TMED3: variants seen among roughly 807,000 people sequenced by gnomAD.
TMED3 encodes the protein transmembrane p24 trafficking protein 3, also known as transmembrane emp24 domain-containing protein 3.
A neutral mutation model predicts 15.0 loss-of-function variants in TMED3; 9 were observed. The observed-to-expected ratio is 0.60, with a 90% CI of 0.36 to 1.04. The LOEUF (loss-of-function observed/expected upper bound fraction) is 1.04, where lower values mean the gene tolerates loss of function less well. Ranked by LOEUF, TMED3 falls within the 50% of genes least tolerant of loss-of-function variation. The probability of loss-of-function intolerance (pLI) is 0.01; values close to 1 mark genes in which losing one functional copy is unlikely to be tolerated. For missense variants in TMED3, 267 were observed against 278.9 expected (o/e 0.96, Z 0.30); for synonymous variants, 117 against 121.4 (o/e 0.96, Z 0.24).
chr15:79,355,419 C>G (rs964278816), intron 2 of TMED3, among the ~76,000 whole-genome samples: 14 of 152,028 alleles, frequency 9.2e-5, no homozygotes, highest in Non-Finnish European at 2.1e-4. Flanking sequence ...AGGGAAGGAA[C>G]TGTATGTGAA....
At chr15:79,321,566 T>C (rs2058766931) in intron 2 of TMED3, among the ~76,000 whole-genome samples, 1 of 152,248 alleles carries the variant, frequency 6.6e-6, no homozygotes, top group Non-Finnish European at 1.5e-5. Flanking sequence ...CTTTGCTGTT[T>C]ATTAGTTGTA....
intron 2 of TMED3, among the ~76,000 whole-genome samples, chr15:79,405,757 G>A (rs28853609): frequency 6.6e-6 from 1 of 152,158 alleles, no homozygotes; most frequent in Middle Eastern, 3.2e-3. Context: ...CATTCATATA[G>A]TGGGCCATCA....
intron 2 of TMED3, among the ~76,000 whole-genome samples, chr15:79,345,834 A>G (rs1461634957): frequency 6.6e-6 from 1 of 152,072 alleles, no homozygotes; most frequent in East Asian, 1.9e-4. Context: ...CCTTTTACTA[A>G]TAGCCATTCT....
At chr15:79,321,758 A>G (rs1031703726) in intron 2 of TMED3, among the ~76,000 whole-genome samples, 1 of 152,232 alleles carries the variant, frequency 6.6e-6, no homozygotes, top group African/African-American at 2.4e-5. Context: ...TAACTCAGCC[A>G]CATACTAACT....
intron 2 of TMED3, among the ~76,000 whole-genome samples, chr15:79,409,311 A>T (rs1057422946): frequency 6.6e-6 from 1 of 152,168 alleles, no homozygotes; most frequent in Admixed American, 6.5e-5. Context: ...CTTCCAACCA[A>T]AGGATGTCCT....
intron 2 of TMED3, chr15:79,314,550 G>T (rs1394512304): frequency 2.2e-6 from 1 of 455,584 alleles, no homozygotes; most frequent in Non-Finnish European, 4.4e-6. Flanking sequence ...GGGCTTCAGG[G>T]TCTTCTGCCT....
At chr15:79,328,953 C>T (rs1243880935) in intron 2 of TMED3, among the ~76,000 whole-genome samples, 1 of 152,222 alleles carries the variant, frequency 6.6e-6, no homozygotes, top group Non-Finnish European at 1.5e-5. Flanking sequence ...GCCCAGGTTG[C>T]TGTTGGCCCT....
chr15:79,398,966 A>G (rs543837797), intron 2 of TMED3, among the ~76,000 whole-genome samples: 4 of 152,330 alleles, frequency 2.6e-5, no homozygotes, highest in African/African-American at 9.6e-5. Context: ...GCCGGAGTGC[A>G]GTAGCATGAT....
intron 2 of TMED3, among the ~76,000 whole-genome samples, chr15:79,407,097 C>A (rs1295318012): frequency 5.3e-5 from 8 of 152,186 alleles, no homozygotes; most frequent in Admixed American, 5.2e-4. Flanking sequence ...TCAGTGAGTC[C>A]TTCTTACATT....
intron 2 of TMED3, among the ~76,000 whole-genome samples, chr15:79,395,480 C>T (rs11072840): frequency 0.3 from 46,390 of 152,110 alleles, 8,596 homozygotes; most frequent in Middle Eastern, 0.51. Flanking sequence ...CGCGCCTGGC[C>T]AATGTTTCTG....
chr15:79,329,042 G>A (rs1422721608), intron 2 of TMED3, among the ~76,000 whole-genome samples: 1 of 152,164 alleles, frequency 6.6e-6, no homozygotes, highest in Non-Finnish European at 1.5e-5. Flanking sequence ...TTAATACCTA[G>A]GGGTGGTGGA....
chr15:79,326,567 A>G (rs1452669916), downstream of TMED3, among the ~76,000 whole-genome samples: 1 of 152,174 alleles, frequency 6.6e-6, no homozygotes, highest in Non-Finnish European at 1.5e-5. Flanking sequence ...CTTTGTAAAT[A>G]TTTCCTCCTT....
At chr15:79,398,014 G>C (rs781212931) in intron 2 of TMED3, among the ~76,000 whole-genome samples, 1 of 152,062 alleles carries the variant, frequency 6.6e-6, no homozygotes, top group Admixed American at 6.5e-5. Context: ...CATAGTTTAC[G>C]TTAGAGTTCA....
At chr15:79,375,244 C>A (rs1893404566) in intron 2 of TMED3, among the ~76,000 whole-genome samples, 1 of 152,128 alleles carries the variant, frequency 6.6e-6, no homozygotes, top group Admixed American at 6.5e-5. Context: ...CTGTCCCATG[C>A]TCCTCAGGCC....
chr15:79,324,879 A>G (rs12592336), downstream of TMED3, among the ~76,000 whole-genome samples: 17,594 of 152,190 alleles, frequency 0.12, 1,632 homozygotes, highest in East Asian at 0.54. Flanking sequence ...TACTTGTGCC[A>G]TCTTGGGTAA....
chr15:79,400,164 C>G (rs1051916029), intron 2 of TMED3, among the ~76,000 whole-genome samples: 4 of 152,192 alleles, frequency 2.6e-5, no homozygotes, highest in African/African-American at 9.7e-5. Context: ...CTTTCCTTTG[C>G]CTGCACCATT....
At position 79,317,218 on chromosome 15, in the gene TMED3, C is replaced by T. The variant is rs531379309; in HGVS notation, c.417+3213C>T. 5.9e-5 allele frequency among the ~76,000 whole-genome samples: 9 copies of T among 152,280 alleles called. No individual in the cohort carries two copies. The East Asian group carries it at 9.6e-4, about 16-fold the overall frequency. ...CCACGAGGCCTCTTCATGCAGTCTCCGTGCCGGTTTCTGGCCTGTGTCGCT... is the reference window on the plus strand; with the variant it reads ...CCACGAGGCCTCTTCATGCAGTCTCTGTGCCGGTTTCTGGCCTGTGTCGCT... On this transcript the variant is annotated intron_variant, in intron 2 of 2. Coordinates refer to ENST00000299705, the MANE Select transcript of TMED3 (RefSeq NM_007364.4).
chr15:79,368,075 T>A (rs1378601622), intron 2 of TMED3, among the ~76,000 whole-genome samples: 2 of 152,152 alleles, frequency 1.3e-5, no homozygotes, highest in Non-Finnish European at 2.9e-5. Flanking sequence ...GAAAAACAAC[T>A]CAGGGACGTA....
At chr15:79,318,819 C>G (rs892547) in intron 2 of TMED3, among the ~76,000 whole-genome samples, 95,464 of 152,082 alleles carry the variant, frequency 0.63, 30,178 homozygotes, top group East Asian at 0.81. Flanking sequence ...AGTGCAGAGG[C>G]CTACACCTGA....
Sources: gnomAD v4.1 joint callset for allele counts (sites outside exome capture counted in the v4.1 genomes callset) on GRCh38, gnomAD v4.1.1 for gene constraint, MANE v1.5 for transcripts, NCBI Gene and HGNC (gene_info 2026-07-23, HGNC 2026-07-21) for gene names.